Variants in KALRN observed in about 807,000 individuals in gnomAD.
The protein encoded by KALRN is kalirin.
KALRN carries 70 observed loss-of-function variants against 353.7 expected under a neutral mutation model. The ratio of observed to expected loss-of-function variants is 0.20; its 90% CI spans 0.16 to 0.24. KALRN has a LOEUF of 0.24. Among genes scored for constraint, KALRN ranks in the 10% least tolerant of loss-of-function variants. The pLI is 1.00. For missense variants in KALRN, 2,791 were observed against 3,756.7 expected (o/e 0.74, Z 6.72); for synonymous variants, 1,391 against 1,434.8 (o/e 0.97, Z 0.69).
intron 58 of KALRN, among the ~76,000 whole-genome samples, chr3:124,715,746 T>C (rs570976574): frequency 6.6e-6 from 1 of 152,358 alleles, no homozygotes; most frequent in Admixed American, 6.5e-5. Flanking sequence ...CAGGCTCCTC[T>C]GCATGGGCAT....
Position 124,334,714 on chromosome 3 carries a change from T to A in KALRN, c.1647+219T>A, listed in dbSNP as rs566329005. On this transcript the variant is annotated intron_variant, in intron 9 of 59. Transcript: ENST00000682506. The surrounding 1 kb of genome is among the most constrained non-coding windows in gnomAD (Gnocchi z 4.2). ...GCCTAAGTGACTGTATAGACTGGCC[T>A]TCTCACCACGTGGTATTGTAAAGGG... 7.1e-4 allele frequency among the ~76,000 whole-genome samples: 108 copies of A among 152,316 alleles called. No individual in the cohort carries two copies. The highest frequency in any genetic ancestry group is 2.6e-3 in the African/African-American group (107 of 41,588).
At chr3:124,670,362 C>G (rs2086248237) in intron 47 of KALRN, among the ~76,000 whole-genome samples, 2 of 152,218 alleles carry the variant, frequency 1.3e-5, no homozygotes, top group South Asian at 4.1e-4. Context: ...GACTGTATTA[C>G]TGAACTAGGT....
intron 33 of KALRN, among the ~76,000 whole-genome samples, chr3:124,532,384 A>G (rs2068116377): frequency 6.6e-6 from 1 of 152,272 alleles, no homozygotes; most frequent in African/African-American, 2.4e-5. Context: ...CCTGGGCAAG[A>G]AAATGTAGCA....
At chr3:124,047,736 C>T (rs1247513973) in intron 1 of KALRN, among the ~76,000 whole-genome samples, 1 of 151,468 alleles carries the variant, frequency 6.6e-6, no homozygotes, top group Non-Finnish European at 1.5e-5. Context: ...ATTTCCTGAC[C>T]TCATGATCCG....
intron 1 of KALRN, among the ~76,000 whole-genome samples, chr3:124,189,127 A>G (rs921256723): frequency 1.3e-5 from 2 of 152,184 alleles, no homozygotes; most frequent in Non-Finnish European, 2.9e-5. Flanking sequence ...CTGGAACAAA[A>G]GCTATCAGGG....
chr3:124,549,286 A>G (rs573705830), intron 33 of KALRN, among the ~76,000 whole-genome samples: 53 of 151,246 alleles, frequency 3.5e-4, no homozygotes, highest in Non-Finnish European at 6.3e-4. Context: ...AGAAATACTG[A>G]CTTTTTTTTA....
chr3:124,218,682 T>C (rs1309664787), intron 1 of KALRN, among the ~76,000 whole-genome samples: 2 of 152,228 alleles, frequency 1.3e-5, no homozygotes, highest in Non-Finnish European at 2.9e-5. Flanking sequence ...GTGTCTGTGC[T>C]ATACTCAAGA....
chr3:124,163,737 C>T, intron 1 of KALRN: 1 of 985,426 alleles, frequency 1.0e-6, no homozygotes, highest in Non-Finnish European at 1.2e-6. Context: ...ATAGTTCTCA[C>T]TACAGGCTTG....
chr3:124,531,982 T>C (rs1348579717), intron 33 of KALRN, among the ~76,000 whole-genome samples: 1 of 152,312 alleles, frequency 6.6e-6, no homozygotes, highest in East Asian at 1.9e-4. Context: ...TTTCAAGACT[T>C]AGAGAACCAA....
At chr3:124,616,855 C>CT (rs1418842711) in intron 34 of KALRN, among the ~76,000 whole-genome samples, 2 of 151,588 alleles carry the variant, frequency 1.3e-5, no homozygotes, top group Non-Finnish European at 2.9e-5. Context: ...GTCCCAGCTA[C>CT]TTGAGAGGCT....
chr3:124,331,153 G>C (rs960195603), intron 8 of KALRN, among the ~76,000 whole-genome samples: 7 of 152,158 alleles, frequency 4.6e-5, no homozygotes, highest in African/African-American at 1.7e-4. Context: ...TAGTGTTGAG[G>C]TTATAAAGGT....
At chr3:124,481,977 C>G (rs1447154718) in intron 27 of KALRN, among the ~76,000 whole-genome samples, 1 of 152,160 alleles carries the variant, frequency 6.6e-6, no homozygotes, top group Non-Finnish European at 1.5e-5. Flanking sequence ...GAAAAATATA[C>G]CTTTCTCTGA....
chr3:124,400,064 T>A (rs947084400), intron 13 of KALRN, among the ~76,000 whole-genome samples: 4 of 152,096 alleles, frequency 2.6e-5, no homozygotes, highest in African/African-American at 9.7e-5. Context: ...CTCTCTGGAG[T>A]TAGGGCTTCT....
intron 34 of KALRN, among the ~76,000 whole-genome samples, chr3:124,631,348 C>CTATTCAAT (rs2080760515): frequency 6.6e-6 from 1 of 152,158 alleles, no homozygotes; most frequent in African/African-American, 2.4e-5. Context: ...AGGCAAGCTG[C>CTATTCAAT]TATTCAATTT....
At chr3:124,424,036 C>T (rs2092905874) in intron 15 of KALRN, among the ~76,000 whole-genome samples, 1 of 152,130 alleles carries the variant, frequency 6.6e-6, no homozygotes, top group African/African-American at 2.4e-5. Context: ...TCAATCCTCA[C>T]AACCATTCTC....
intron 38 of KALRN, 44 bp downstream of exon 38, chr3:124,650,982 G>A (rs754265500): frequency 5.6e-6 from 9 of 1,607,728 alleles, no homozygotes; most frequent in Non-Finnish European, 7.6e-6. Flanking sequence ...ACATGTGAGT[G>A]CGGTGGACAA....
chr3:124,294,364 C>G (rs2076666361), intron 5 of KALRN, among the ~76,000 whole-genome samples: 1 of 151,988 alleles, frequency 6.6e-6, no homozygotes, highest in Non-Finnish European at 1.5e-5. Flanking sequence ...CTGGACTTTA[C>G]TTCCCTGAAC....
At chr3:124,571,198 T>C (rs2073475243) in intron 34 of KALRN, among the ~76,000 whole-genome samples, 1 of 152,264 alleles carries the variant, frequency 6.6e-6, no homozygotes, top group Non-Finnish European at 1.5e-5. Context: ...TCCTAAGCTA[T>C]ATAAGCCTAG....
intron 6 of KALRN, among the ~76,000 whole-genome samples, chr3:124,309,481 A>G (rs1279902716): frequency 6.6e-6 from 1 of 152,112 alleles, no homozygotes; most frequent in African/African-American, 2.4e-5. Context: ...GAGTTATTTG[A>G]CTCCAGGAGT....
Sources: allele counts gnomAD v4.1 joint callset (sites outside exome capture counted in the v4.1 genomes callset), GRCh38; gene constraint gnomAD v4.1.1; non-coding constraint Gnocchi (gnomAD v3.1); transcripts MANE v1.5; gene names NCBI Gene and HGNC (gene_info 2026-07-23, HGNC 2026-07-21).